The following ARHGAP32 variants were observed in gnomAD, a reference collection of about 807,000 sequenced individuals.
The protein encoded by ARHGAP32 is rho GTPase-activating protein 32.
ARHGAP32 carries 51 observed loss-of-function variants against 186.5 expected under a neutral mutation model. The observed-to-expected ratio is 0.27, with a 90% CI of 0.22 to 0.35. ARHGAP32 has a LOEUF of 0.35. Ranked by LOEUF, ARHGAP32 falls within the 10% of genes least tolerant of loss-of-function variation. The pLI is 1.00. For missense variants in ARHGAP32, 2,186 were observed against 2,623.5 expected (o/e 0.83, Z 3.64); for synonymous variants, 950 against 964.3 (o/e 0.99, Z 0.27).
At chr11:129,170,983 T>C (rs922989348) in intron 1 of ARHGAP32, among the ~76,000 whole-genome samples, 1 of 152,242 alleles carries the variant, frequency 6.6e-6, no homozygotes, top group African/African-American at 2.4e-5. Flanking sequence ...GAGGTGTCTG[T>C]TCATATCCTT....
intron 1 of ARHGAP32, among the ~76,000 whole-genome samples, chr11:129,188,477 A>T (rs1430466940): frequency 6.6e-6 from 1 of 152,116 alleles, no homozygotes; most frequent in African/African-American, 2.4e-5. Flanking sequence ...AGCTGTTTTG[A>T]GCCTAGAAGA....
At chr11:129,211,159 T>A (rs181524304) in intron 1 of ARHGAP32, among the ~76,000 whole-genome samples, 2 of 152,202 alleles carry the variant, frequency 1.3e-5, no homozygotes, top group Non-Finnish European at 2.9e-5. Context: ...TCTTTACTTA[T>A]TAGGACTCTG....
intron 1 of ARHGAP32, among the ~76,000 whole-genome samples, chr11:129,226,722 A>G (rs1186904621): frequency 6.6e-6 from 1 of 152,186 alleles, no homozygotes; most frequent in East Asian, 1.9e-4. Flanking sequence ...TGGTTAAAAA[A>G]GAAAAAAACA....
chr11:129,278,665 A>G (rs1439880704), intron 1 of ARHGAP32, among the ~76,000 whole-genome samples: 2 of 151,980 alleles, frequency 1.3e-5, no homozygotes, highest in African/African-American at 4.8e-5. Flanking sequence ...ACTCCACGGG[A>G]GCCTAAGGGA....
chr11:129,141,713 A>C (rs906477409), intron 2 of ARHGAP32, among the ~76,000 whole-genome samples: 1 of 151,800 alleles, frequency 6.6e-6, no homozygotes, highest in Non-Finnish European at 1.5e-5. Context: ...AAATCAAAAA[A>C]AAAAACTCTC....
In ARHGAP32 at chr11:128,973,372, G is replaced by T. The variant is rs1180773659; in HGVS notation, c.3134C>A (p.Pro1045Gln). ...SVPVSSVSLI[P>Q]PPPPPKNVAR... The stretch of plus-strand genomic sequence containing the variant: ...AACATTTTTCGGAGGCGGTGGTGGT[G>T]GGATAAGAGAGACTGAACTGACAGG... Residue 1045 changes from proline to glutamine, a missense_variant, in exon 22 of 23, where the codon CCA becomes CAA. By Grantham distance (76) the Pro-to-Gln change is moderately conservative. This residue lies in a region of ARHGAP32 where 1,502 missense variants were observed against 1,570.0 expected (regional missense o/e 0.96). Coordinates refer to ENST00000682385, the MANE Select transcript of ARHGAP32 (RefSeq NM_001378024.1). The T allele has an allele frequency of 6.2e-7, 1 of 1,614,062 alleles. No homozygotes were observed. Among genetic ancestry groups the T allele is most frequent in the Non-Finnish European group, 8.5e-7 (1 of 1,180,004 alleles).
intron 12 of ARHGAP32, among the ~76,000 whole-genome samples, chr11:128,995,350 G>A (rs1388421095): frequency 6.6e-6 from 1 of 152,102 alleles, no homozygotes; most frequent in African/African-American, 2.4e-5. Flanking sequence ...AGAAGTATGG[G>A]TGTGTGCCAC....
At chr11:129,261,330 T>C (rs1394829137) in intron 1 of ARHGAP32, among the ~76,000 whole-genome samples, 4 of 152,236 alleles carry the variant, frequency 2.6e-5, no homozygotes, top group Non-Finnish European at 4.4e-5. Context: ...GGTGCCATTA[T>C]AGATTCAGTT....
intron 11 of ARHGAP32, among the ~76,000 whole-genome samples, chr11:129,007,683 A>C (rs1290808654): frequency 6.6e-6 from 1 of 152,126 alleles, no homozygotes; most frequent in East Asian, 1.9e-4. Context: ...TGCCTAGGGT[A>C]AGGGGAGAGG....
At chr11:129,125,905 A>G (rs1201671257) in intron 2 of ARHGAP32, 1 of 444,224 alleles carries the variant, frequency 2.3e-6, no homozygotes, top group Admixed American at 2.5e-5. Context: ...AAGAAAACAG[A>G]GTATTACTAG....
At chr11:129,086,649 G>A (rs541954848) in intron 6 of ARHGAP32, among the ~76,000 whole-genome samples, 21 of 152,058 alleles carry the variant, frequency 1.4e-4, no homozygotes, top group African/African-American at 3.6e-4. Context: ...GTGAAACCCT[G>A]TCTCTACTAA....
At chr11:128,975,132 G>T in intron 20 of ARHGAP32, 130 bp from the exon 21 acceptor site, 2 of 764,742 alleles carry the variant, frequency 2.6e-6, no homozygotes, top group East Asian at 2.7e-5. Flanking sequence ...TTTTCTTTCT[G>T]AAAATTCTTT....
At chr11:129,193,426 G>C (rs1258007887), upstream of ARHGAP32, among the ~76,000 whole-genome samples, 2 of 113,286 alleles carry the variant, frequency 1.8e-5, no homozygotes, top group Non-Finnish European at 3.4e-5. Flanking sequence ...AGGCTGTTGT[G>C]AGCCATAATC....
At position 128,974,423 on chromosome 11, in the gene ARHGAP32, A is replaced by G. The variant is rs759342285; in HGVS notation, c.2774T>C (p.Ile925Thr). 1.9e-6 allele frequency: 3 copies of G among 1,614,072 alleles called. No homozygotes were observed. In the South Asian group the frequency reaches 3.3e-5, roughly 18 times the overall value. The change falls in exon 21 of 23, where the codon ATT becomes ACT. Residue 925 changes from isoleucine (I) to threonine (T), a missense_variant. Ile to Thr is a moderately conservative substitution (Grantham distance 89). This residue lies in a region of ARHGAP32 where 1,502 missense variants were observed against 1,570.0 expected (regional missense o/e 0.96). Transcript: ENST00000682385. ...KSPSMSISEP[I>T]SVTLPPRVSE... ...CACCCGTGGTGGTAGGGTCACTGAA[A>G]TTGGCTCAGATATGCTCATAGAAGG...
Position 128,974,385 on chromosome 11 carries a change from C to A in ARHGAP32, c.2812G>T (p.Gly938Cys). 1 of 1,614,188 alleles carries A rather than the reference C, an allele frequency of 6.2e-7. No homozygotes were observed. Among genetic ancestry groups the A allele is most frequent in the Non-Finnish European group, 8.5e-7 (1 of 1,180,030 alleles). Reference sequence around the variant, plus strand: ...TGAGCTGTGGTATTTGAGACTGTACCAATGACTTCTGACACCCGTGGTGGT... The same window carrying A: ...TGAGCTGTGGTATTTGAGACTGTACAAATGACTTCTGACACCCGTGGTGGT... ...TLPPRVSEVI[G>C]TVSNTTAQNA... The change falls in exon 21 of 23, where the codon GGT (glycine) becomes TGT (cysteine). Residue 938 changes from glycine to cysteine, a missense_variant. By Grantham distance (159) the Gly-to-Cys change is radical. This residue lies in a region of ARHGAP32 where 1,502 missense variants were observed against 1,570.0 expected (regional missense o/e 0.96). Transcript: ENST00000682385.
chr11:129,145,875 A>C (rs1474182937), intron 2 of ARHGAP32, among the ~76,000 whole-genome samples: 1 of 152,144 alleles, frequency 6.6e-6, no homozygotes, highest in Non-Finnish European at 1.5e-5. Context: ...AAGTCATAGA[A>C]TCTTTAGCCA....
intron 1 of ARHGAP32, among the ~76,000 whole-genome samples, chr11:129,213,338 G>A (rs985804400): frequency 2.0e-5 from 3 of 152,104 alleles, no homozygotes; most frequent in African/African-American, 7.2e-5. Flanking sequence ...CTGACACAAG[G>A]AACATAGCTT....
rs538345164 is a variant in ARHGAP32, at chr11:129,200,917, T to A, written c.-4-36490A>T. On this transcript the variant is annotated intron_variant, in intron 1 of 6. Transcript: ENST00000525234. ...TCTGGCTTTTAAAAAATATAATCAC[T>A]CTGTAATTTTTATTATTATTTAAAA... Among the ~76,000 whole-genome samples, 6 of 152,252 alleles carry A rather than the reference T, an allele frequency of 3.9e-5. No individual in the cohort carries two copies. The South Asian group carries it at 6.2e-4, about 16-fold the overall frequency.
chr11:129,249,612 A>G (rs1174903724), intron 1 of ARHGAP32, among the ~76,000 whole-genome samples: 4 of 152,148 alleles, frequency 2.6e-5, no homozygotes, highest in African/African-American at 4.8e-5. Context: ...CTGTTTTCCA[A>G]TATGTGGAAT....
Sources: allele counts gnomAD v4.1 joint callset (sites outside exome capture counted in the v4.1 genomes callset), GRCh38; gene constraint gnomAD v4.1.1; regional missense constraint gnomAD v4.1.1; transcripts MANE v1.5; gene names NCBI Gene and HGNC (gene_info 2026-07-23, HGNC 2026-07-21).